The following AK5 variants were observed in gnomAD, a reference collection of about 807,000 sequenced individuals.
AK5 encodes adenylate kinase isoenzyme 5.
In AK5, 27 loss-of-function variants were observed where a neutral mutation model predicts 69.5. The observed-to-expected ratio is 0.39, with a 90% confidence interval of 0.29 to 0.54. AK5 has a LOEUF of 0.54. AK5 is among the 20% of genes least tolerant of loss of function. AK5 has a pLI of 0.71. For synonymous variants in AK5, 260 were observed against 244.4 expected, an observed-to-expected ratio of 1.06 and a Z score of -0.60; for missense variants, 531 against 700.4, an observed-to-expected ratio of 0.76 and a Z score of 2.73.
At chr1:77,376,451 CAAAAAAAAAAAA>C (rs1647253443) in intron 6 of AK5, among the ~76,000 whole-genome samples, 6 of 41,036 alleles carry the variant, frequency 1.5e-4, no homozygotes, top group Admixed American at 3.4e-4. Context: ...AAAAAAAAAA[CAAAAAAAAAAAA>C]CATGTCTTAC....
intron 5 of AK5, among the ~76,000 whole-genome samples, chr1:77,323,149 C>T (rs1489282668): frequency 1.3e-5 from 2 of 151,926 alleles, no homozygotes; most frequent in Non-Finnish European, 2.9e-5. Context: ...CCACCACGCC[C>T]GGCTAATTTT....
chr1:77,338,659 G>A (rs1250220779), intron 5 of AK5, among the ~76,000 whole-genome samples: 2 of 152,080 alleles, frequency 1.3e-5, no homozygotes, highest in Non-Finnish European at 2.9e-5. Context: ...TCTAAGCCTT[G>A]GAAAACACCC....
chr1:77,310,582 C>T (rs1012453725), intron 5 of AK5, among the ~76,000 whole-genome samples: 1 of 151,976 alleles, frequency 6.6e-6, no homozygotes, highest in Non-Finnish European at 1.5e-5. Context: ...GGGGTTTCAC[C>T]GTGTTAGCCA....
intron 6 of AK5, among the ~76,000 whole-genome samples, chr1:77,369,026 C>T (rs1647071115): frequency 6.6e-6 from 1 of 152,080 alleles, no homozygotes; most frequent in South Asian, 2.1e-4. Context: ...ACTGATTACC[C>T]TGATCTATTC....
chr1:77,457,964 T>C (rs1271549072), intron 8 of AK5, among the ~76,000 whole-genome samples: 1 of 152,052 alleles, frequency 6.6e-6, no homozygotes, highest in Non-Finnish European at 1.5e-5. Context: ...AAGCCAGGCA[T>C]GGTGCCCAGC....
chr1:77,540,638 G>C (rs1169429592), intron 13 of AK5: 3 of 152,170 alleles, frequency 2.0e-5, no homozygotes, highest in African/African-American at 4.8e-5. Flanking sequence ...GATGGCGGGG[G>C]GAATATGGGC....
chr1:77,483,185 T>C lies in AK5; in HGVS notation c.1060-132T>C, dbSNP rs1655377894. On this transcript the variant is annotated intron_variant, in intron 8 of 13. Coordinates refer to ENST00000354567, the MANE Select transcript of AK5 (RefSeq NM_174858.3). ...CTCAGTGTCTTTGTCTGTAAAATATTGTCCCTCATAAAATTGTTTGGAGGT... is the reference window on the plus strand; with the variant it reads ...CTCAGTGTCTTTGTCTGTAAAATATCGTCCCTCATAAAATTGTTTGGAGGT... 3.8e-5 allele frequency: 26 copies of C among 676,998 alleles called. No individual in the cohort carries two copies. The South Asian group carries it at 4.3e-4, about 11-fold the overall frequency. The allele number at this position is 676,998 out of a possible 1,614,324, so 41.9% of individuals were successfully genotyped here.
intron 8 of AK5, among the ~76,000 whole-genome samples, chr1:77,445,141 G>A (rs1007672684): frequency 6.6e-6 from 1 of 152,108 alleles, no homozygotes; most frequent in Non-Finnish European, 1.5e-5. Flanking sequence ...TTTCCTTTGG[G>A]TATGAAAGGA....
intron 8 of AK5, among the ~76,000 whole-genome samples, chr1:77,429,833 T>G (rs1651480181): frequency 6.6e-6 from 1 of 152,030 alleles, no homozygotes; most frequent in African/African-American, 2.4e-5. Flanking sequence ...AGGAAAGAAC[T>G]GGGGAGAAGA....
chr1:77,308,775 C>A (rs115818049), intron 5 of AK5, among the ~76,000 whole-genome samples: 194 of 152,198 alleles, frequency 1.3e-3, no homozygotes, highest in African/African-American at 4.6e-3. Flanking sequence ...TCAAGGCCAG[C>A]CTGGGCAACA....
intron 10 of AK5, among the ~76,000 whole-genome samples, chr1:77,516,309 T>C (rs1657640226): frequency 6.6e-6 from 1 of 152,042 alleles, no homozygotes; most frequent in Non-Finnish European, 1.5e-5. Flanking sequence ...TGCCAGGGGC[T>C]AGGGAAGTGA....
At chr1:77,482,803 G>A (rs1655337283) in intron 8 of AK5, among the ~76,000 whole-genome samples, 1 of 151,176 alleles carries the variant, frequency 6.6e-6, no homozygotes, top group Non-Finnish European at 1.5e-5. Context: ...TGCTACAGGG[G>A]ACATGTTGCT....
intron 2 of AK5, among the ~76,000 whole-genome samples, chr1:77,289,671 G>T (rs1417403328): frequency 6.6e-6 from 1 of 151,896 alleles, no homozygotes; most frequent in African/African-American, 2.4e-5. Context: ...AGAATGGTAA[G>T]GACTGTGGTC....
chr1:77,334,809 C>G (rs906640369), intron 5 of AK5, among the ~76,000 whole-genome samples: 2 of 152,064 alleles, frequency 1.3e-5, no homozygotes, highest in African/African-American at 4.8e-5. Flanking sequence ...CCAACAAAAG[C>G]CTGGGGGTGG....
chr1:77,511,867 A>G (rs942361110), intron 10 of AK5, among the ~76,000 whole-genome samples: 22 of 152,208 alleles, frequency 1.4e-4, no homozygotes, highest in African/African-American at 5.3e-4. Flanking sequence ...CTCAAAGGGA[A>G]TGGGCCAACC....
intron 13 of AK5, among the ~76,000 whole-genome samples, chr1:77,556,690 A>G (rs1660121443): frequency 6.6e-6 from 1 of 152,224 alleles, no homozygotes; most frequent in South Asian, 2.1e-4. Context: ...TGAAAGCCCT[A>G]GGGGAAGAAA....
intron 8 of AK5, among the ~76,000 whole-genome samples, chr1:77,463,213 C>T (rs776967420): frequency 6.6e-6 from 1 of 152,184 alleles, no homozygotes; most frequent in Non-Finnish European, 1.5e-5. Context: ...TGAGAAGTCT[C>T]CAAATAATCT....
chr1:77,413,098 C>T (rs1650157441), intron 7 of AK5, among the ~76,000 whole-genome samples: 1 of 152,098 alleles, frequency 6.6e-6, no homozygotes, highest in Admixed American at 6.6e-5. Context: ...CACGAGTACC[C>T]TTAGCACAGA....
intron 6 of AK5, among the ~76,000 whole-genome samples, chr1:77,396,290 G>A (rs10873936): frequency 0.4 from 60,800 of 151,952 alleles, 12,979 homozygotes; most frequent in East Asian, 0.63. Context: ...TTCCATTATT[G>A]TAAATCTGAT....
Sources: gnomAD v4.1 joint callset for allele counts (sites outside exome capture counted in the v4.1 genomes callset) on GRCh38, gnomAD v4.1.1 for gene constraint, MANE v1.5 for transcripts, NCBI Gene and HGNC (gene_info 2026-07-23, HGNC 2026-07-21) for gene names.